Variants in OSTN observed in about 807,000 individuals in gnomAD.
OSTN encodes osteocrin.
A neutral mutation model predicts 12.0 loss-of-function variants in OSTN; 9 were observed. The observed-to-expected ratio is 0.75, with a 90% CI of 0.45 to 1.30. OSTN has a LOEUF of 1.30. Ranked by LOEUF, OSTN falls within the 50% of genes most tolerant of loss-of-function variation. The probability of loss-of-function intolerance (pLI) is 0.00; values close to 1 mark genes in which losing one functional copy is unlikely to be tolerated. For synonymous variants in OSTN, 59 were observed against 56.9 expected, an observed-to-expected ratio of 1.04 and a Z score of -0.16; for missense variants, 148 against 152.3, an observed-to-expected ratio of 0.97 and a Z score of 0.15.
intron 4 of OSTN, 96 bp from the exon 5 acceptor site, chr3:191,262,770 T>G: frequency 1.5e-6 from 1 of 666,128 alleles, no homozygotes. Flanking sequence ...CAGCATGTAA[T>G]TAAAGACTTA....
rs377486845 is a variant in OSTN at position 191,213,766 on chromosome 3, G to GT, written c.102+1143dup. ...ATATTAAAGGACAAGTTTTCTAAAA[G>GT]TTTTTTTTTTTAAGATTAAGGATGT... On this transcript the variant is annotated intron_variant, in intron 2 of 4. Transcript: ENST00000682035. 5.9e-3 allele frequency among the ~76,000 whole-genome samples: 863 copies of GT among 146,276 alleles called. 12 individuals carry two copies. Among genetic ancestry groups the GT allele is most frequent in the Admixed American group, 0.041 (608 of 14,684 alleles).
chr3:191,207,456 G>T (rs1180866722), intron 1 of OSTN, among the ~76,000 whole-genome samples: 1 of 151,946 alleles, frequency 6.6e-6, no homozygotes. Flanking sequence ...ATTAATAGGT[G>T]CATGAGATCA....
At chr3:191,212,820 T>C (rs1714496317) in intron 2 of OSTN, among the ~76,000 whole-genome samples, 186 bp downstream of exon 2, 1 of 147,334 alleles carries the variant, frequency 6.8e-6, no homozygotes, top group Non-Finnish European at 1.5e-5. Flanking sequence ...TATATATTTA[T>C]ATATTACATA....
chr3:191,213,000 A>C (rs1314787508), intron 2 of OSTN, among the ~76,000 whole-genome samples: 1 of 149,568 alleles, frequency 6.7e-6, no homozygotes, highest in African/African-American at 2.5e-5. Context: ...CCTCCCAAGT[A>C]GCTGGGATTA....
At chr3:191,255,706 C>T (rs990765594) in intron 4 of OSTN, among the ~76,000 whole-genome samples, 1 of 151,576 alleles carries the variant, frequency 6.6e-6, no homozygotes, top group East Asian at 1.9e-4. Flanking sequence ...ATATAAATAG[C>T]CCTAAAAAAA....
At chr3:191,222,211 G>A (rs1008020118) in intron 3 of OSTN, among the ~76,000 whole-genome samples, 1 of 152,200 alleles carries the variant, frequency 6.6e-6, no homozygotes, top group Non-Finnish European at 1.5e-5. Context: ...CTCCCACATA[G>A]AGTCCCCACT....
intron 1 of OSTN, among the ~76,000 whole-genome samples, chr3:191,202,227 G>T (rs1714166198): frequency 6.6e-6 from 1 of 152,194 alleles, no homozygotes; most frequent in Non-Finnish European, 1.5e-5. Context: ...GATGACAGGA[G>T]ATTAATTTCA....
At chr3:191,234,757 G>T (rs73070078) in intron 3 of OSTN, among the ~76,000 whole-genome samples, 14,182 of 150,624 alleles carry the variant, frequency 0.094, 1,811 homozygotes, top group African/African-American at 0.29. Flanking sequence ...TTTTCTTCAG[G>T]AGCATACTCC....
intron 3 of OSTN, chr3:191,234,457 G>C (rs1398935643): frequency 6.6e-6 from 1 of 152,448 alleles, no homozygotes; most frequent in Admixed American, 6.5e-5. Flanking sequence ...AGCACTTTGG[G>C]AGGCCGAGGC....
chr3:191,199,678 A>G (rs923035364), intron 1 of OSTN, among the ~76,000 whole-genome samples: 1 of 152,090 alleles, frequency 6.6e-6, no homozygotes. Flanking sequence ...CAACCTAGGT[A>G]AAAAAGAAAG....
chr3:191,218,374 C>A (rs1268152239), intron 2 of OSTN, among the ~76,000 whole-genome samples: 1 of 152,186 alleles, frequency 6.6e-6, no homozygotes, highest in African/African-American at 2.4e-5. Context: ...GCAATCACAG[C>A]ACTTTGGGAG....
chr3:191,206,091 G>A (rs958751531), intron 1 of OSTN, among the ~76,000 whole-genome samples: 12 of 151,934 alleles, frequency 7.9e-5, no homozygotes, highest in Non-Finnish European at 1.5e-5. Flanking sequence ...GGCTGAGGCA[G>A]GAGAATCTTG....
rs992543835 is a variant in OSTN at position 191,253,709 on chromosome 3, T to C, written c.*12+3576T>C. Among the ~76,000 whole-genome samples the C allele has an allele frequency of 2.2e-4, 34 of 152,262 alleles. 1 individual carries two copies. The highest frequency in any genetic ancestry group is 6.0e-4 in the African/African-American group (25 of 41,560). ...GATGGTGAATGTTTATTTTCAGTAG[T>C]TTAAAGGTACCAAACTCTCAGCTAA... On this transcript the variant is annotated intron_variant, in intron 4 of 4. Coordinates refer to ENST00000682035, the MANE Select transcript of OSTN (RefSeq NM_198184.2).
At chr3:191,242,176 C>T (rs188722170) in intron 3 of OSTN, among the ~76,000 whole-genome samples, 16 of 152,238 alleles carry the variant, frequency 1.1e-4, no homozygotes, top group Non-Finnish European at 5.9e-5. Context: ...TGATTGAAAT[C>T]ACTAGTAAAT....
At chr3:191,253,719 C>T (rs913131240) in intron 4 of OSTN, among the ~76,000 whole-genome samples, 1 of 152,126 alleles carries the variant, frequency 6.6e-6, no homozygotes, top group Middle Eastern at 3.2e-3. Context: ...TTTAAAGGTA[C>T]CAAACTCTCA....
At chr3:191,233,364 C>T (rs914217389) in intron 3 of OSTN, among the ~76,000 whole-genome samples, 2 of 152,196 alleles carry the variant, frequency 1.3e-5, no homozygotes, top group African/African-American at 4.8e-5. Flanking sequence ...CTCAACTATA[C>T]TTTGAAGCCC....
Position 191,264,626 on chromosome 3 carries a change from T to G in OSTN, c.*1773T>G, listed in dbSNP as rs574342903. 6.6e-6 allele frequency: 1 copy of G among 152,150 alleles called. No homozygotes were observed. The highest frequency in any genetic ancestry group is 1.5e-5 in the Non-Finnish European group (1 of 67,978). 9.4% of individuals were successfully genotyped at this position (152,150 alleles called of 1,614,324 possible). A position where few individuals can be genotyped will look rare whatever the true frequency, so the allele number is the denominator to read the frequency against. On this transcript the variant is annotated 3_prime_UTR_variant, in exon 5 of 5. Coordinates refer to ENST00000682035, the MANE Select transcript of OSTN (RefSeq NM_198184.2). ...GAGGACTCAGGAGTTGAAAGAATTA[T>G]TTAAGAAGTTGTGATATCCTTGTCT...
intron 2 of OSTN, chr3:191,216,973 T>G (rs9818921): frequency 0.41 from 61,765 of 152,110 alleles, 15,606 homozygotes; most frequent in African/African-American, 0.71. Flanking sequence ...CCCACTCTCT[T>G]TGGTAACAAT....
intron 3 of OSTN, among the ~76,000 whole-genome samples, chr3:191,220,280 A>G (rs527968527): frequency 5.3e-5 from 8 of 152,274 alleles, no homozygotes; most frequent in African/African-American, 1.9e-4. Context: ...TGAAGACCAT[A>G]CCTTATACTA....
Sources: allele counts gnomAD v4.1 joint callset (sites outside exome capture counted in the v4.1 genomes callset), GRCh38; gene constraint gnomAD v4.1.1; transcripts MANE v1.5; gene names NCBI Gene and HGNC (gene_info 2026-07-23, HGNC 2026-07-21).